The following CEMIP variants were observed in gnomAD, a reference collection of about 807,000 sequenced individuals.
CEMIP encodes cell migration-inducing and hyaluronan-binding protein.
Under a neutral mutation model 156.9 loss-of-function variants are expected in CEMIP, and 105 were observed. That is an observed-to-expected ratio of 0.67 (90% confidence interval 0.57 to 0.79). CEMIP has a LOEUF of 0.79. CEMIP is among the 30% of genes least tolerant of loss of function. CEMIP has a pLI of 0.00. For synonymous variants in CEMIP, 676 were observed against 668.4 expected, an observed-to-expected ratio of 1.01 and a Z score of -0.17; for missense variants, 1,457 against 1,769.4, an observed-to-expected ratio of 0.82 and a Z score of 3.17.
intron 1 of CEMIP, among the ~76,000 whole-genome samples, chr15:80,831,387 AGCTCGATGGGCTCAGTGGGCCACGGCAC>A (rs1471787020): frequency 6.6e-5 from 10 of 152,132 alleles, no homozygotes; most frequent in African/African-American, 2.4e-4. Flanking sequence ...TGACAAGCAG[AGCTCGATGGGCTCAGTGGGCCACGGCAC>A]TTCCCAAGCC....
At chr15:80,948,343 CAG>C (rs1191002112) in intron 29 of CEMIP, 14 of 277,934 alleles carry the variant, frequency 5.0e-5, no homozygotes, top group Non-Finnish European at 1.0e-4. Flanking sequence ...CTTCACCTCT[CAG>C]AACTCTTTCT....
intron 1 of CEMIP, among the ~76,000 whole-genome samples, chr15:80,825,212 G>A (rs946708270): frequency 1.1e-4 from 17 of 152,256 alleles, no homozygotes; most frequent in South Asian, 4.1e-4. Flanking sequence ...ACTGTGTACC[G>A]GATGGGCATT....
Position 80,949,084 on chromosome 15 carries a change from G to T in CEMIP, c.*160G>T. On this transcript the variant is annotated 3_prime_UTR_variant, in exon 30 of 30. Coordinates refer to ENST00000394685, the MANE Select transcript of CEMIP (RefSeq NM_001293298.2). ...CCAAGGGAAGGCTATCAGAGACCCTGGTGCTGCCACCTGCCCCTACTCAAG... is the reference window on the plus strand; with the variant it reads ...CCAAGGGAAGGCTATCAGAGACCCTTGTGCTGCCACCTGCCCCTACTCAAG... 1.1e-6 allele frequency: 1 copy of T among 941,250 alleles called. No individual in the cohort carries two copies. Among genetic ancestry groups the T allele is most frequent in the East Asian group, 2.5e-5 (1 of 39,896 alleles). The allele number at this position is 941,250 out of a possible 1,614,324, so 58.3% of individuals were successfully genotyped here. A position where few individuals can be genotyped will look rare whatever the true frequency, so the allele number is the denominator to read the frequency against.
intron 1 of CEMIP, among the ~76,000 whole-genome samples, chr15:80,811,099 A>G (rs952418840): frequency 3.9e-5 from 6 of 152,156 alleles, no homozygotes; most frequent in African/African-American, 7.2e-5. Flanking sequence ...TCTTCCCCCA[A>G]CCTACTTACA....
intron 1 of CEMIP, among the ~76,000 whole-genome samples, chr15:80,869,058 CTGAAGCCTCTCTCCTTGGCT>C (rs1402944174): frequency 4.6e-5 from 7 of 152,158 alleles, no homozygotes; most frequent in African/African-American, 1.4e-4. Context: ...TTGGCTTCTT[CTGAAGCCTCTCTCCTTGGCT>C]TGAAGCCTCT....
chr15:80,895,276 G>A (rs747942591), intron 11 of CEMIP, among the ~76,000 whole-genome samples, 154 bp downstream of exon 11: 1 of 152,202 alleles, frequency 6.6e-6, no homozygotes, highest in Non-Finnish European at 1.5e-5. Flanking sequence ...CCTTGGAGTT[G>A]GCAGGAGACA....
intron 3 of CEMIP, among the ~76,000 whole-genome samples, chr15:80,875,347 T>C (rs1418471457): frequency 6.6e-6 from 1 of 152,126 alleles, no homozygotes; most frequent in Admixed American, 6.6e-5. Flanking sequence ...TAGTCCTTAT[T>C]TTAACCCTCC....
Position 80,894,999 on chromosome 15 carries a change from A to G in CEMIP, c.1096A>G (p.Met366Val). 1 of 1,614,168 alleles carries G rather than the reference A, an allele frequency of 6.2e-7. No homozygotes were observed. The highest frequency in any genetic ancestry group is 8.5e-7 in the Non-Finnish European group (1 of 1,180,014). ...TCTGTGTCATTCCCAGGCCACTACA[A>G]TGGATGGAGTTAACCTCAGCACCGA... ...NRPIDIQATTMDGVNLSTEVV... is the reference protein window; with the variant it reads ...NRPIDIQATTVDGVNLSTEVV... The change falls in exon 11 of 30, where the codon ATG (methionine) becomes GTG (valine). Residue 366 changes from methionine (M) to valine (V), a missense_variant. Met to Val is a conservative substitution (Grantham distance 21, BLOSUM62 1). Transcript: ENST00000394685.
intron 6 of CEMIP, among the ~76,000 whole-genome samples, chr15:80,883,023 C>T (rs538806901): frequency 6.6e-6 from 1 of 152,148 alleles, no homozygotes; most frequent in African/African-American, 2.4e-5. Flanking sequence ...GGGGCTGGAC[C>T]AGATTGTGCC....
At chr15:80,901,085 ACTCCC>A in intron 12 of CEMIP, 1 of 392,294 alleles carries the variant, frequency 2.5e-6, no homozygotes, top group Non-Finnish European at 5.2e-6. Context: ...GGCAGTTGGA[ACTCCC>A]CTCCCTTGAT....
At position 80,888,752 on chromosome 15, in the gene CEMIP, A is replaced by T. The variant is rs1426563761; in HGVS notation, c.920A>T (p.His307Leu). The change falls in exon 9 of 30, where the codon CAT becomes CTT. Residue 307 changes from histidine (H) to leucine (L), a missense_variant. Around this residue, in one of 5 missense-constraint regions of CEMIP, gnomAD observed 280 missense variants for 300.3 expected, o/e 0.93. Transcript: ENST00000394685. ...ARVFKLFQTEHGEYFNVSLSS... is the reference protein window; with the variant it reads ...ARVFKLFQTELGEYFNVSLSS... Reference sequence around the variant, plus strand: ...GTATTCAAATTGTTCCAGACAGAGCATGGCGAATATTTCAATGTTTCTTTG... The same window carrying T: ...GTATTCAAATTGTTCCAGACAGAGCTTGGCGAATATTTCAATGTTTCTTTG... 1 of 1,614,180 alleles carries T rather than the reference A, an allele frequency of 6.2e-7. No individual in the cohort carries two copies. The highest frequency in any genetic ancestry group is 8.5e-7 in the Non-Finnish European group (1 of 1,180,028).
chr15:80,836,389 T>A (rs1897270564), intron 1 of CEMIP, among the ~76,000 whole-genome samples: 1 of 151,932 alleles, frequency 6.6e-6, no homozygotes. Context: ...ACAAATTGTT[T>A]CGCCAGTGTC....
intron 1 of CEMIP, among the ~76,000 whole-genome samples, chr15:80,785,604 C>G (rs1452521809): frequency 6.6e-6 from 1 of 152,144 alleles, no homozygotes; most frequent in African/African-American, 2.4e-5. Context: ...AGCTGTCATA[C>G]AGGGTGATGG....
At chr15:80,792,021 G>A (rs1409283162) in intron 1 of CEMIP, among the ~76,000 whole-genome samples, 1 of 152,204 alleles carries the variant, frequency 6.6e-6, no homozygotes, top group Non-Finnish European at 1.5e-5. Context: ...CACTGTAGTT[G>A]TCATCAGACA....
At chr15:80,921,871 G>A (rs1429271967) in intron 16 of CEMIP, 138 bp from the exon 17 acceptor site, 2 of 1,007,108 alleles carry the variant, frequency 2.0e-6, no homozygotes, top group Non-Finnish European at 3.1e-6. Flanking sequence ...AGGTGTGTTG[G>A]GGGTGGGCAC....
rs773913269 is a variant in CEMIP, at chr15:80,933,337, C to T, written c.2886C>T (p.Asp962=). ...AGACATCTGTGTTCCATGACGTCGACGGCTCCGTGTCCGAGTACCCTGGCT... is the reference window on the plus strand; with the variant it reads ...AGACATCTGTGTTCCATGACGTCGATGGCTCCGTGTCCGAGTACCCTGGCT... The part of the protein sequence containing the change: ...GDKTSVFHDV[D]GSVSEYPGSY... The change falls in exon 23 of 30, where the codon GAC becomes GAT. Residue 962 remains aspartate, a synonymous_variant. Coordinates refer to ENST00000394685, the MANE Select transcript of CEMIP (RefSeq NM_001293298.2). 6.2e-6 allele frequency: 10 copies of T among 1,614,068 alleles called. No homozygotes were observed. Among genetic ancestry groups the T allele is most frequent in the African/African-American group, 2.7e-5 (2 of 74,928 alleles).
chr15:80,783,749 G>A (rs762285715), intron 1 of CEMIP, among the ~76,000 whole-genome samples: 18 of 152,258 alleles, frequency 1.2e-4, no homozygotes, highest in Non-Finnish European at 2.5e-4. Flanking sequence ...TCTCTGGCAG[G>A]CCCCTAGTCC....
chr15:80,862,642 C>T (rs756103718), intron 1 of CEMIP, among the ~76,000 whole-genome samples: 40 of 152,278 alleles, frequency 2.6e-4, no homozygotes, highest in Non-Finnish European at 1.6e-4. Context: ...GCTTCCAGGG[C>T]GGGCTGGACT....
At chr15:80,814,042 G>C (rs956615326) in intron 1 of CEMIP, among the ~76,000 whole-genome samples, 13 of 111,668 alleles carry the variant, frequency 1.2e-4, no homozygotes, top group Non-Finnish European at 2.0e-4. Flanking sequence ...AAACTCTTTG[G>C]CTTTTTTTTT....
Sources: allele counts gnomAD v4.1 joint callset (sites outside exome capture counted in the v4.1 genomes callset), GRCh38; gene constraint gnomAD v4.1.1; regional missense constraint gnomAD v4.1.1; transcripts MANE v1.5; gene names NCBI Gene and HGNC (gene_info 2026-07-23, HGNC 2026-07-21).